Variants in CHMP4C observed in about 807,000 individuals in gnomAD.
CHMP4C encodes SNF7 homolog associated with Alix 3.
In CHMP4C, 28 loss-of-function variants were observed where a neutral mutation model predicts 29.0. The observed-to-expected ratio is 0.97, with a 90% confidence interval of 0.72 to 1.32. The LOEUF is 1.32. CHMP4C is among the 40% of genes most tolerant of loss of function. The probability of loss-of-function intolerance (pLI) is 0.00; values close to 1 mark genes in which losing one functional copy is unlikely to be tolerated. For synonymous variants in CHMP4C, 106 were observed against 102.4 expected (o/e 1.04, Z -0.21); for missense variants, 291 against 281.0 (o/e 1.04, Z -0.25).
intron 1 of CHMP4C, among the ~76,000 whole-genome samples, chr8:81,747,402 G>A (rs1808840170): frequency 6.6e-6 from 1 of 151,752 alleles, no homozygotes. Flanking sequence ...TTCCAAATAT[G>A]TATAGGCACT....
At chr8:81,736,085 CAATAAATAAATAAATA>C (rs55869119) in intron 1 of CHMP4C, among the ~76,000 whole-genome samples, 4,528 of 135,862 alleles carry the variant, frequency 0.033, 109 homozygotes, top group East Asian at 0.11. Flanking sequence ...GACTATGTCT[CAATAAATAAATAAATA>C]AATAAATAAA....
chr8:81,749,375 G>A (rs1278909845), intron 1 of CHMP4C, among the ~76,000 whole-genome samples: 6 of 152,092 alleles, frequency 3.9e-5, no homozygotes, highest in Admixed American at 1.3e-4. Flanking sequence ...TGAACATATG[G>A]CAAATGCTCC....
chr8:81,736,523 C>A (rs1196556287), intron 1 of CHMP4C, among the ~76,000 whole-genome samples: 1 of 152,116 alleles, frequency 6.6e-6, no homozygotes, highest in East Asian at 1.9e-4. Context: ...CCAATACCCT[C>A]CGCACCCACC....
At chr8:81,755,335 A>G in intron 2 of CHMP4C, 35 bp from the exon 3 acceptor site, 1 of 1,212,038 alleles carries the variant, frequency 8.3e-7, no homozygotes, top group Non-Finnish European at 1.2e-6. Context: ...TATAAGTTAA[A>G]ATTCTAAAAT....
At position 81,755,415 on chromosome 8, in the gene CHMP4C, A is replaced by G. The variant is rs1204263685; in HGVS notation, c.414A>G (p.Gln138=). The G allele has an allele frequency of 1.2e-6, 2 of 1,612,364 alleles. No homozygotes were observed. Among genetic ancestry groups the G allele is most frequent in the Non-Finnish European group, 1.7e-6 (2 of 1,178,832 alleles). ...ATTTGATGCAAGAGATCACAGAGCA[A>G]CAGGATATCGCCCAAGAAATCTCAG... The part of the protein sequence containing the change: ...IDDLMQEITE[Q]QDIAQEISEA... Residue 138 remains glutamine (Q), a synonymous_variant, in exon 3 of 5, where the codon CAA becomes CAG. Transcript: ENST00000297265.
intron 1 of CHMP4C, among the ~76,000 whole-genome samples, chr8:81,748,651 C>T (rs1808860088): frequency 6.6e-6 from 1 of 152,030 alleles, no homozygotes; most frequent in African/African-American, 2.4e-5. Context: ...GATATGCAAG[C>T]TTAGGGCTGG....
intron 1 of CHMP4C, among the ~76,000 whole-genome samples, chr8:81,735,000 T>C (rs929659650): frequency 7.2e-5 from 11 of 152,086 alleles, no homozygotes; most frequent in Admixed American, 2.0e-4. Flanking sequence ...TTCAAGTGAT[T>C]CTCCTGCCTC....
intron 1 of CHMP4C, among the ~76,000 whole-genome samples, chr8:81,744,352 A>G (rs1808797839): frequency 6.6e-6 from 1 of 152,180 alleles, no homozygotes. Flanking sequence ...GAAGGAACCC[A>G]TTGTGTAATA....
At chr8:81,755,304 G>T in intron 2 of CHMP4C, 66 bp from the exon 3 acceptor site, 1 of 799,520 alleles carries the variant, frequency 1.3e-6, no homozygotes, top group South Asian at 2.0e-5. Flanking sequence ...TTTTATATAG[G>T]ATTATATCTA....
intron 1 of CHMP4C, among the ~76,000 whole-genome samples, chr8:81,746,127 CAAA>C (rs978215728): frequency 6.6e-6 from 1 of 152,138 alleles, no homozygotes; most frequent in Non-Finnish European, 1.5e-5. Context: ...TTATTTAAAA[CAAA>C]AGCCTCCTGT....
chr8:81,732,693 C>T lies in CHMP4C; in HGVS notation c.67C>T (p.Gln23Ter). The change falls in exon 1 of 5, where the codon CAG becomes TAG. Residue 23 changes from glutamine to a stop codon, truncating the protein, a stop_gained. Coordinates refer to ENST00000297265, the MANE Select transcript of CHMP4C (RefSeq NM_152284.4). LOFTEE classifies it high-confidence loss of function. ...TAAGAGCCGAGCCGCTCCCAGTCCC[C>T]AGGAGGCCCTGGTCCGACTTCGGGA... ...SSKSRAAPSP[Q>*]EALVRLRETE... 6.3e-7 allele frequency: 1 copy of T among 1,590,860 alleles called. No individual in the cohort carries two copies. The highest frequency in any genetic ancestry group is 8.6e-7 in the Non-Finnish European group (1 of 1,168,652).
chr8:81,735,120 T>C (rs899682904), intron 1 of CHMP4C, among the ~76,000 whole-genome samples: 14 of 152,138 alleles, frequency 9.2e-5, no homozygotes, highest in Non-Finnish European at 1.8e-4. Context: ...TCTCAAACTC[T>C]GGGCCTCAAG....
At chr8:81,743,037 T>A (rs969082744) in intron 1 of CHMP4C, among the ~76,000 whole-genome samples, 1 of 151,996 alleles carries the variant, frequency 6.6e-6, no homozygotes, top group African/African-American at 2.4e-5. Context: ...ATATATTTTT[T>A]AAGATTTTTT....
At chr8:81,754,410 G>A (rs1342418512) in intron 2 of CHMP4C, among the ~76,000 whole-genome samples, 1 of 152,024 alleles carries the variant, frequency 6.6e-6, no homozygotes, top group African/African-American at 2.4e-5. Context: ...AGAATAATAA[G>A]GTTTAAAGAT....
intron 1 of CHMP4C, among the ~76,000 whole-genome samples, chr8:81,744,953 G>T (rs1035064622): frequency 1.3e-5 from 2 of 152,156 alleles, no homozygotes; most frequent in Non-Finnish European, 2.9e-5. Flanking sequence ...GGCCAAATGC[G>T]TGTTAAAATT....
At chr8:81,753,986 G>A (rs1038658455) in intron 2 of CHMP4C, among the ~76,000 whole-genome samples, 8 of 151,938 alleles carry the variant, frequency 5.3e-5, no homozygotes, top group Non-Finnish European at 1.2e-4. Context: ...GTCTGGGACC[G>A]GATCCTTTCC....
At chr8:81,749,806 G>T (rs1808873956) in intron 1 of CHMP4C, among the ~76,000 whole-genome samples, 1 of 152,150 alleles carries the variant, frequency 6.6e-6, no homozygotes, top group South Asian at 2.1e-4. Context: ...CACATGTAAG[G>T]CTATGTGGCT....
chr8:81,746,084 C>G (rs1173629896), intron 1 of CHMP4C, among the ~76,000 whole-genome samples: 1 of 152,138 alleles, frequency 6.6e-6, no homozygotes, highest in African/African-American at 2.4e-5. Flanking sequence ...ATATAAGGAA[C>G]AGCTCACTGA....
At chr8:81,742,023 A>G (rs61623744) in intron 1 of CHMP4C, among the ~76,000 whole-genome samples, 14,684 of 152,232 alleles carry the variant, frequency 0.096, 908 homozygotes, top group East Asian at 0.24. Flanking sequence ...TGGTGCTGAT[A>G]GGGAATTGCT....
Sources: gnomAD v4.1 joint callset for allele counts (sites outside exome capture counted in the v4.1 genomes callset) on GRCh38, gnomAD v4.1.1 for gene constraint, MANE v1.5 for transcripts, NCBI Gene and HGNC (gene_info 2026-07-23, HGNC 2026-07-21) for gene names.